The following NTM variants were observed in gnomAD, a reference collection of about 807,000 sequenced individuals.
The protein encoded by NTM is IgLON family member 2.
NTM carries 13 observed loss-of-function variants against 42.1 expected under a neutral mutation model. The observed-to-expected ratio is 0.31, with a 90% CI of 0.20 to 0.49. The LOEUF is 0.49. NTM is among the 20% of genes least tolerant of loss of function. The pLI, the probability that NTM is intolerant of heterozygous loss-of-function variation, is 0.99. For synonymous variants in NTM, 187 were observed against 179.2 expected, an observed-to-expected ratio of 1.04 and a Z score of -0.35; for missense variants, 373 against 452.8, an observed-to-expected ratio of 0.82 and a Z score of 1.60.
chr11:132,267,927 G>A (rs193098460), intron 4 of NTM, among the ~76,000 whole-genome samples: 20 of 152,122 alleles, frequency 1.3e-4, no homozygotes, highest in African/African-American at 4.3e-4. Flanking sequence ...GTGCATATGG[G>A]TGTTTTTTTT....
At chr11:132,306,468 G>A (rs1319824632) in intron 4 of NTM, 1 of 152,212 alleles carries the variant, frequency 6.6e-6, no homozygotes, top group African/African-American at 2.4e-5. Context: ...TAAATCAACA[G>A]GTGGGCAGCA....
chr11:131,931,812 G>A (rs954662661), intron 2 of NTM, among the ~76,000 whole-genome samples: 14 of 152,052 alleles, frequency 9.2e-5, no homozygotes, highest in South Asian at 2.1e-4. Flanking sequence ...AAGTGGTGGC[G>A]GGAAGGGGCC....
rs988559265 is a variant in NTM, at chr11:131,691,400, C to T, written c.83-220164C>T. Among the ~76,000 whole-genome samples the T allele has an allele frequency of 6.1e-4, 93 of 152,320 alleles. 1 individual carries two copies. The highest frequency in any genetic ancestry group is 2.2e-3 in the African/African-American group (90 of 41,584). On this transcript the variant is annotated intron_variant, in intron 1 of 8. Transcript: ENST00000683400. ...GCCGCTCCTTTTCCGCCCCGTGCGC[C>T]CAGGGAGTCCACGTCACGAGGAGCT...
intron 3 of NTM, among the ~76,000 whole-genome samples, chr11:132,176,003 G>A (rs1189123521): frequency 6.6e-6 from 1 of 151,722 alleles, no homozygotes; most frequent in Non-Finnish European, 1.5e-5. Context: ...TTGTTTGTTT[G>A]TTTTATTTCT....
At chr11:132,212,981 A>G (rs982334317) in intron 4 of NTM, among the ~76,000 whole-genome samples, 2 of 151,996 alleles carry the variant, frequency 1.3e-5, no homozygotes, top group African/African-American at 4.8e-5. Flanking sequence ...AGTATGCAAT[A>G]TAACAGGTGG....
chr11:131,547,032 C>G (rs753767327), intron 1 of NTM, among the ~76,000 whole-genome samples: 1 of 152,138 alleles, frequency 6.6e-6, no homozygotes, highest in Admixed American at 6.5e-5. Context: ...AAGAAGCCCT[C>G]TGTGGTGACC....
intron 1 of NTM, among the ~76,000 whole-genome samples, chr11:131,513,174 A>G (rs1162135317): frequency 3.3e-5 from 5 of 152,244 alleles, no homozygotes. Flanking sequence ...CCGTGGCTGA[A>G]GGCCTGAACC....
chr11:131,637,621 A>T (rs1449982430), intron 1 of NTM, among the ~76,000 whole-genome samples: 5 of 151,590 alleles, frequency 3.3e-5, no homozygotes, highest in Non-Finnish European at 5.9e-5. Context: ...TGACCTCCTC[A>T]TACCATTATT....
intron 1 of NTM, among the ~76,000 whole-genome samples, chr11:131,550,023 G>A (rs2054456260): frequency 1.3e-5 from 2 of 152,166 alleles, no homozygotes; most frequent in South Asian, 4.1e-4. Flanking sequence ...CATTGCTCAG[G>A]GGAGGCATGA....
rs142274009 is a variant in NTM, at chr11:132,274,181, C to T, written c.527-33508C>T. ...TGTCAAATAACCAACAATTGATTTTCTTGACTTTTTAAATTTATTTTTTAT... is the reference window on the plus strand; with the variant it reads ...TGTCAAATAACCAACAATTGATTTTTTTGACTTTTTAAATTTATTTTTTAT... On this transcript the variant is annotated intron_variant, in intron 4 of 8. Transcript: ENST00000683400. 3.9e-3 allele frequency among the ~76,000 whole-genome samples: 597 copies of T among 151,868 alleles called. 5 individuals are homozygous for T. The highest frequency in any genetic ancestry group is 4.4e-3 in the Non-Finnish European group (297 of 67,924).
chr11:131,997,296 T>C (rs973730519), intron 2 of NTM, among the ~76,000 whole-genome samples: 2 of 152,204 alleles, frequency 1.3e-5, no homozygotes, highest in African/African-American at 2.4e-5. Flanking sequence ...GTGCTTCTGC[T>C]AGGAATGGCC....
chr11:132,283,685 C>T (rs547119133), intron 4 of NTM, among the ~76,000 whole-genome samples: 13 of 152,282 alleles, frequency 8.5e-5, no homozygotes, highest in African/African-American at 2.4e-4. Context: ...CACCTCTAGG[C>T]GGTACTTCAT....
chr11:131,729,333 C>T (rs549945511), intron 1 of NTM, among the ~76,000 whole-genome samples: 9 of 152,136 alleles, frequency 5.9e-5, no homozygotes, highest in Non-Finnish European at 8.8e-5. Flanking sequence ...ACCTGTGTAC[C>T]TGGGTTATTG....
At chr11:132,175,390 C>A (rs1480568953) in intron 3 of NTM, among the ~76,000 whole-genome samples, 2 of 152,074 alleles carry the variant, frequency 1.3e-5, no homozygotes, top group Non-Finnish European at 2.9e-5. Flanking sequence ...GCATTAGCAC[C>A]CCAAATTTGG....
intron 1 of NTM, among the ~76,000 whole-genome samples, chr11:131,519,125 G>A (rs370972025): frequency 1.7e-4 from 26 of 152,300 alleles, no homozygotes; most frequent in Middle Eastern, 3.4e-3. Flanking sequence ...AATCAGATGC[G>A]CTCTCCTCAG....
intron 2 of NTM, among the ~76,000 whole-genome samples, chr11:132,144,113 G>A (rs1265360151): frequency 1.3e-5 from 2 of 152,240 alleles, no homozygotes; most frequent in Admixed American, 1.3e-4. Context: ...TGATGCTGAT[G>A]TTGGTGGTTT....
chr11:131,570,074 A>G (rs565109485), intron 1 of NTM, among the ~76,000 whole-genome samples: 1 of 152,290 alleles, frequency 6.6e-6, no homozygotes, highest in African/African-American at 2.4e-5. Context: ...GATATCATTT[A>G]TTCTGTCTAT....
At chr11:131,940,228 A>G (rs985477951) in intron 2 of NTM, among the ~76,000 whole-genome samples, 2 of 152,112 alleles carry the variant, frequency 1.3e-5, no homozygotes, top group Non-Finnish European at 2.9e-5. Flanking sequence ...GGTTTCTTAT[A>G]TTTACTCCTG....
Position 132,308,885 on chromosome 11 carries a change from C to A in NTM, c.661+1062C>A, listed in dbSNP as rs115519987. ...AAGAAACAGAAGCAAAGAAAAAATA[C>A]GCTTAGGAAAATGAGTGAAAGCTAG... On this transcript the variant is annotated intron_variant, in intron 5 of 8. Transcript: ENST00000683400. 3.3e-3 allele frequency among the ~76,000 whole-genome samples: 500 copies of A among 151,838 alleles called. 3 individuals carry two copies. The highest frequency in any genetic ancestry group is 0.011 in the African/African-American group (471 of 41,182).
Sources: gnomAD v4.1 joint callset for allele counts (sites outside exome capture counted in the v4.1 genomes callset) on GRCh38, gnomAD v4.1.1 for gene constraint, MANE v1.5 for transcripts, NCBI Gene and HGNC (gene_info 2026-07-23, HGNC 2026-07-21) for gene names.